ZC3H12B: variants seen among roughly 807,000 people sequenced by gnomAD.
ZC3H12B encodes the protein zinc finger CCCH-type containing 12B.
ZC3H12B carries 7 observed loss-of-function variants against 43.9 expected under a neutral mutation model. That is an observed-to-expected ratio of 0.16 (90% CI 0.09 to 0.30). ZC3H12B has a LOEUF of 0.30. Ranked by LOEUF, ZC3H12B falls within the 10% of genes least tolerant of loss-of-function variation. ZC3H12B has a pLI of 1.00. For missense variants in ZC3H12B, 475 were observed against 670.2 expected (o/e 0.71, Z 3.22); for synonymous variants, 222 against 241.7 (o/e 0.92, Z 0.76).
chrX:65,319,187 A>T, the ZC3H12B span, among the ~76,000 whole-genome samples: 6 of 111,226 alleles, frequency 5.4e-5, no homozygotes, highest in Non-Finnish European at 1.1e-4. Context: ...AGCTAGATTA[A>T]TAAAGGGAAA....
chrX:65,233,625 A>G, the ZC3H12B span, among the ~76,000 whole-genome samples: 2 of 111,071 alleles, frequency 1.8e-5, no homozygotes, highest in Non-Finnish European at 3.8e-5. Context: ...ATTTATAACA[A>G]TAAACATCTA....
At chrX:65,225,369 A>C in the ZC3H12B span, among the ~76,000 whole-genome samples, 1 of 112,205 alleles carries the variant, frequency 8.9e-6, no homozygotes, top group African/African-American at 3.2e-5. Context: ...ACCAAAAACC[A>C]TGTGTACATC....
the ZC3H12B span, among the ~76,000 whole-genome samples, chrX:65,305,079 A>T: frequency 8.9e-6 from 1 of 112,157 alleles, no homozygotes; most frequent in Non-Finnish European, 1.9e-5. Flanking sequence ...TCATTAAAGA[A>T]ATGCAATTAA....
At chrX:65,170,742 C>T in the ZC3H12B span, among the ~76,000 whole-genome samples, 1 of 111,517 alleles carries the variant, frequency 9.0e-6, no homozygotes, top group Non-Finnish European at 1.9e-5. Flanking sequence ...TCTTTTCACT[C>T]CTTTTTCTCT....
At chrX:65,312,848 T>G in the ZC3H12B span, among the ~76,000 whole-genome samples, 10 of 111,731 alleles carry the variant, frequency 9.0e-5, no homozygotes, top group African/African-American at 3.2e-4. Flanking sequence ...ACCTCTTACA[T>G]TGCTTATTGG....
the ZC3H12B span, among the ~76,000 whole-genome samples, chrX:65,227,730 T>G: frequency 8.2e-3 from 913 of 110,789 alleles, 6 homozygotes; most frequent in Non-Finnish European, 0.014. Context: ...AAATACAAAC[T>G]ACCATCAGAG....
the ZC3H12B span, among the ~76,000 whole-genome samples, chrX:65,043,149 G>A: frequency 1.8e-5 from 2 of 111,064 alleles, no homozygotes; most frequent in Non-Finnish European, 3.8e-5. Flanking sequence ...ATATAAATAT[G>A]GTTATTAGGC....
At chrX:65,372,789 A>T (rs1337149581) in intron 2 of ZC3H12B, among the ~76,000 whole-genome samples, 1 of 112,575 alleles carries the variant, frequency 8.9e-6, no homozygotes, top group African/African-American at 3.2e-5. Flanking sequence ...AAATCACACA[A>T]GTATGCATCA....
chrX:65,310,653 G>T, the ZC3H12B span, among the ~76,000 whole-genome samples: 1 of 111,611 alleles, frequency 9.0e-6, no homozygotes, highest in African/African-American at 3.3e-5. Context: ...CTACTTTAAA[G>T]TTCATATGGA....
chrX:65,076,162 T>A, the ZC3H12B span, among the ~76,000 whole-genome samples: 1 of 110,439 alleles, frequency 9.1e-6, no homozygotes, highest in Non-Finnish European at 1.9e-5. Flanking sequence ...TTCTTTCTTT[T>A]TTTTTTTTCT....
the ZC3H12B span, among the ~76,000 whole-genome samples, chrX:65,078,056 G>A: frequency 2.0e-4 from 22 of 111,936 alleles, no homozygotes; most frequent in Non-Finnish European, 3.9e-4. Context: ...CATTTTGAAT[G>A]TGAGAGAAAG....
the ZC3H12B span, among the ~76,000 whole-genome samples, chrX:65,277,526 T>C: frequency 1.8e-5 from 2 of 111,216 alleles, no homozygotes; most frequent in Non-Finnish European, 3.8e-5. Context: ...TATAATCTAA[T>C]AACAATAAAA....
At chrX:65,156,326 G>A in the ZC3H12B span, among the ~76,000 whole-genome samples, 2 of 111,136 alleles carry the variant, frequency 1.8e-5, no homozygotes, top group East Asian at 2.8e-4. Flanking sequence ...TCAGCCTCTC[G>A]AGCAGCTGGT....
At chrX:65,499,855 C>T (rs1220474957) in intron 3 of ZC3H12B, 28 bp from the exon 9 acceptor site, 1 of 1,138,455 alleles carries the variant, frequency 8.8e-7, no homozygotes, top group Non-Finnish European at 1.2e-6. Flanking sequence ...GAAAGGAAGA[C>T]AGTCACCTCT....
chrX:65,342,789 G>A, the ZC3H12B span, among the ~76,000 whole-genome samples: 1 of 96,650 alleles, frequency 1.0e-5, no homozygotes, highest in Non-Finnish European at 2.0e-5. Flanking sequence ...AAAGCTAACA[G>A]AAGACAAGAA....
At chrX:65,161,361 G>T in the ZC3H12B span, among the ~76,000 whole-genome samples, 2 of 111,328 alleles carry the variant, frequency 1.8e-5, no homozygotes, top group Non-Finnish European at 3.8e-5. Context: ...TGACAGTGGG[G>T]TGTTAAAATC....
chrX:65,319,448 G>A, the ZC3H12B span, among the ~76,000 whole-genome samples: 7 of 110,753 alleles, frequency 6.3e-5, no homozygotes, highest in South Asian at 2.3e-3. Flanking sequence ...CTCCTATCCA[G>A]AAAAAAACAC....
chrX:65,139,349 C>T, the ZC3H12B span, among the ~76,000 whole-genome samples: 2 of 111,887 alleles, frequency 1.8e-5, no homozygotes, highest in African/African-American at 6.5e-5. Flanking sequence ...GGAGATTTTC[C>T]TTTTTCCATT....
chrX:65,498,714 G>C (rs1417609529), intron 2 of ZC3H12B, among the ~76,000 whole-genome samples: 1 of 112,212 alleles, frequency 8.9e-6, no homozygotes, highest in Non-Finnish European at 1.9e-5. Context: ...AGAATGCTAA[G>C]ATATCAGTGT....
Sources: gnomAD v4.1 joint callset for allele counts (sites outside exome capture counted in the v4.1 genomes callset) on GRCh38, gnomAD v4.1.1 for gene constraint, MANE v1.5 for transcripts, NCBI Gene and HGNC (gene_info 2026-07-23, HGNC 2026-07-21) for gene names.